DACH1: variants seen among roughly 807,000 people sequenced by gnomAD.
The protein encoded by DACH1 is dachshund family transcription factor 1.
A neutral mutation model predicts 54.2 loss-of-function variants in DACH1; 12 were observed. The ratio of observed to expected loss-of-function variants is 0.22; its 90% CI spans 0.14 to 0.36. The LOEUF (loss-of-function observed/expected upper bound fraction) is 0.36, where lower values mean the gene tolerates loss of function less well. DACH1 is among the 10% of genes least tolerant of loss of function. The pLI, the probability that DACH1 is intolerant of heterozygous loss-of-function variation, is 1.00. For synonymous variants in DACH1, 386 were observed against 366.2 expected, an observed-to-expected ratio of 1.05 and a Z score of -0.62; for missense variants, 805 against 929.8, an observed-to-expected ratio of 0.87 and a Z score of 1.75.
At chr13:71,533,114 G>T (rs1882523738) in intron 6 of DACH1, among the ~76,000 whole-genome samples, 1 of 151,340 alleles carries the variant, frequency 6.6e-6, no homozygotes, top group Non-Finnish European at 1.5e-5. Context: ...AAACAAATCA[G>T]GAGAGATATC....
chr13:71,840,992 GGA>G (rs2138235170), intron 1 of DACH1, among the ~76,000 whole-genome samples: 1 of 152,242 alleles, frequency 6.6e-6, no homozygotes, highest in South Asian at 2.1e-4. Flanking sequence ...ACCAGCCCAA[GGA>G]GTATTTTACT....
At chr13:71,587,825 G>A (rs898620111) in intron 3 of DACH1, among the ~76,000 whole-genome samples, 5 of 152,002 alleles carry the variant, frequency 3.3e-5, no homozygotes, top group African/African-American at 1.2e-4. Flanking sequence ...CCATAAAAAA[G>A]ATAGCTCCCA....
At chr13:71,775,043 G>A (rs1297685989) in intron 1 of DACH1, among the ~76,000 whole-genome samples, 1 of 146,888 alleles carries the variant, frequency 6.8e-6, no homozygotes, top group Admixed American at 6.8e-5. Flanking sequence ...CCAGCACTTT[G>A]AGAGATGGAG....
Position 71,655,650 on chromosome 13 carries a change from C to G in DACH1, c.965-24933G>C, listed in dbSNP as rs137936213. ...CCTCCCTAAGTGCTGGGATTACAGA[C>G]GTGAGCCACTGAGCCTGGCTGCCTC... On this transcript the variant is annotated intron_variant, in intron 2 of 10. Transcript: ENST00000613252. Among the ~76,000 whole-genome samples, 194 of 152,130 alleles carry G rather than the reference C, an allele frequency of 1.3e-3. 2 individuals are homozygous for G. In the East Asian group the frequency reaches 0.03, roughly 24 times the overall value.
chr13:71,675,140 C>T, intron 2 of DACH1: 4 of 1,579,906 alleles, frequency 2.5e-6, no homozygotes, highest in Non-Finnish European at 3.5e-6. Context: ...ACAAAAGCCG[C>T]TCGCAAGAGT....
At chr13:71,603,004 T>C (rs1421020688) in intron 3 of DACH1, among the ~76,000 whole-genome samples, 2 of 151,996 alleles carry the variant, frequency 1.3e-5, no homozygotes, top group Non-Finnish European at 2.9e-5. Context: ...ATTACGTTGC[T>C]TTCTTTTTAT....
chr13:71,475,266 T>A (rs1877416472), intron 9 of DACH1, 57 bp from the exon 10 acceptor site: 78 of 1,358,434 alleles, frequency 5.7e-5, no homozygotes, highest in South Asian at 7.4e-5. Flanking sequence ...TATTGTCCTT[T>A]AAAAAAAAAG....
chr13:71,448,326 T>G (rs1874656111), intron 10 of DACH1, among the ~76,000 whole-genome samples: 1 of 152,164 alleles, frequency 6.6e-6, no homozygotes, highest in Non-Finnish European at 1.5e-5. Context: ...CGTGTGTGTC[T>G]CTCAACATAA....
rs529366512 is a variant in DACH1, at chr13:71,707,291, C to T, written c.849-25381G>A. On this transcript the variant is annotated intron_variant, in intron 1 of 10. Coordinates refer to ENST00000613252, the MANE Select transcript of DACH1 (RefSeq NM_080759.6). Reference sequence around the variant, plus strand: ...GCAACCTGTGCAGCTGCACAAGTCACGTGCTTGGAAGAGTTTCTTCTGCTG... The same window carrying T: ...GCAACCTGTGCAGCTGCACAAGTCATGTGCTTGGAAGAGTTTCTTCTGCTG... Among the ~76,000 whole-genome samples the T allele has an allele frequency of 3.9e-5, 6 of 152,346 alleles. No individual in the cohort carries two copies. The East Asian group carries it at 5.8e-4, about 15-fold the overall frequency.
intron 2 of DACH1, among the ~76,000 whole-genome samples, chr13:71,678,639 C>A (rs1435781404): frequency 7.1e-6 from 1 of 141,320 alleles, no homozygotes; most frequent in Non-Finnish European, 1.6e-5. Context: ...TTTTTTTCTT[C>A]CTTTCTCTCT....
At chr13:71,470,484 T>C (rs1364437381) in intron 10 of DACH1, among the ~76,000 whole-genome samples, 2 of 151,956 alleles carry the variant, frequency 1.3e-5, no homozygotes, top group Non-Finnish European at 2.9e-5. Flanking sequence ...CTTGCCACCA[T>C]GCCCGGCCCA....
chr13:71,505,021 T>G (rs1034573803), intron 6 of DACH1, among the ~76,000 whole-genome samples: 1 of 152,206 alleles, frequency 6.6e-6, no homozygotes, highest in African/African-American at 2.4e-5. Flanking sequence ...CAGTTTTAAC[T>G]TACTGAGAAA....
intron 3 of DACH1, among the ~76,000 whole-genome samples, chr13:71,591,925 C>CA (rs1051923214): frequency 6.6e-5 from 10 of 151,510 alleles, no homozygotes; most frequent in East Asian, 1.9e-4. Context: ...CAACAGAATC[C>CA]AAAAAAAAGC....
intron 10 of DACH1, among the ~76,000 whole-genome samples, chr13:71,454,850 G>A (rs1272915169): frequency 6.6e-6 from 1 of 152,210 alleles, no homozygotes; most frequent in African/African-American, 2.4e-5. Context: ...CTGTGAGGTA[G>A]TAAATATTCT....
intron 1 of DACH1, among the ~76,000 whole-genome samples, chr13:71,837,110 A>G (rs1217773297): frequency 1.3e-5 from 2 of 151,780 alleles, no homozygotes; most frequent in Non-Finnish European, 2.9e-5. Context: ...ATGAAAATGC[A>G]TTATTCTCAT....
At chr13:71,777,959 A>T (rs1405712069) in intron 1 of DACH1, among the ~76,000 whole-genome samples, 4 of 151,964 alleles carry the variant, frequency 2.6e-5, no homozygotes, top group African/African-American at 9.7e-5. Flanking sequence ...TCTACAAAAA[A>T]TACACAAATT....
At chr13:71,488,920 CA>C (rs1422886319) in intron 7 of DACH1, 76 bp downstream of exon 7, 12 of 1,364,818 alleles carry the variant, frequency 8.8e-6, no homozygotes, top group Admixed American at 2.1e-5. Flanking sequence ...TAAGTAGGAA[CA>C]GTATAAATTT....
chr13:71,816,253 C>A (rs923514567), intron 1 of DACH1, among the ~76,000 whole-genome samples: 3 of 151,960 alleles, frequency 2.0e-5, no homozygotes, highest in African/African-American at 7.3e-5. Context: ...CACTATCTTG[C>A]TAAATGTGAC....
intron 6 of DACH1, among the ~76,000 whole-genome samples, chr13:71,502,872 T>C (rs1258498752): frequency 6.6e-6 from 1 of 152,232 alleles, no homozygotes; most frequent in African/African-American, 2.4e-5. Flanking sequence ...TTGCACTTGG[T>C]GACTACTTTG....
Sources: gnomAD v4.1 joint callset for allele counts (sites outside exome capture counted in the v4.1 genomes callset) on GRCh38, gnomAD v4.1.1 for gene constraint, MANE v1.5 for transcripts, NCBI Gene and HGNC (gene_info 2026-07-23, HGNC 2026-07-21) for gene names.